GHR: variants seen among roughly 807,000 people sequenced by gnomAD.
The protein encoded by GHR is GH receptor.
A neutral mutation model predicts 67.1 loss-of-function variants in GHR; 35 were observed. The ratio of observed to expected loss-of-function variants is 0.52; its 90% CI spans 0.40 to 0.69. GHR has a LOEUF of 0.69. GHR is among the 30% of genes least tolerant of loss of function. GHR has a pLI of 0.00. For missense variants in GHR, 792 were observed against 764.6 expected (o/e 1.04, Z -0.42); for synonymous variants, 272 against 269.1 (o/e 1.01, Z -0.10).
intron 2 of GHR, among the ~76,000 whole-genome samples, chr5:42,626,698 C>T (rs183105653): frequency 2.6e-4 from 39 of 152,266 alleles, no homozygotes; most frequent in Admixed American, 1.4e-3. Context: ...CATTAGCATA[C>T]GAAAGACACT....
At chr5:42,519,621 G>T (rs1440521589) in intron 1 of GHR, among the ~76,000 whole-genome samples, 3 of 152,102 alleles carry the variant, frequency 2.0e-5, no homozygotes, top group Non-Finnish European at 4.4e-5. Context: ...TCAACCACTT[G>T]CTCTGTCTGT....
chr5:42,659,952 T>C (rs966239278), intron 3 of GHR, among the ~76,000 whole-genome samples: 5 of 151,988 alleles, frequency 3.3e-5, no homozygotes, highest in Non-Finnish European at 7.4e-5. Context: ...CACCAGGAGA[T>C]TATATCCCGC....
chr5:42,462,379 T>G (rs533083887), intron 1 of GHR, among the ~76,000 whole-genome samples: 1 of 152,290 alleles, frequency 6.6e-6, no homozygotes, highest in South Asian at 2.1e-4. Flanking sequence ...CTAAGCAAAA[T>G]TTAATAGTAC....
Position 42,467,158 on chromosome 5 carries a change from C to T in GHR, c.-12+43203C>T, listed in dbSNP as rs41432450. 0.013 allele frequency: 20,051 copies of T among 1,599,332 alleles called. 1,069 individuals carry two copies. The Admixed American group carries it at 0.13, about 11-fold the overall frequency. Reference sequence around the variant, plus strand: ...AAAAGGAAGATCTCCACTGTGAATTCTCTGGTGGACAAAAAGGCAAGAGAG... The same window carrying T: ...AAAAGGAAGATCTCCACTGTGAATTTTCTGGTGGACAAAAAGGCAAGAGAG... On this transcript the variant is annotated intron_variant, in intron 1 of 9. Coordinates refer to ENST00000230882, the MANE Select transcript of GHR (RefSeq NM_000163.5).
intron 1 of GHR, among the ~76,000 whole-genome samples, chr5:42,538,323 G>A (rs1748352233): frequency 6.6e-6 from 1 of 152,150 alleles, no homozygotes. Flanking sequence ...TCCAGGATTT[G>A]TTTCAAGATT....
intron 1 of GHR, among the ~76,000 whole-genome samples, chr5:42,463,721 C>T (rs1417084029): frequency 1.3e-5 from 2 of 151,968 alleles, no homozygotes; most frequent in African/African-American, 4.8e-5. Context: ...GGGCCGGGCG[C>T]GGTGGCTCAC....
intron 3 of GHR, among the ~76,000 whole-genome samples, chr5:42,667,893 T>TC: frequency 6.6e-6 from 1 of 152,178 alleles, no homozygotes; most frequent in Non-Finnish European, 1.5e-5. Context: ...CCTTTGTCTC[T>TC]CCCTCAGGCT....
intron 1 of GHR, among the ~76,000 whole-genome samples, chr5:42,503,661 T>C (rs1746633356): frequency 6.6e-6 from 1 of 152,128 alleles, no homozygotes; most frequent in African/African-American, 2.4e-5. Context: ...TCTAAACAAA[T>C]ATATATCATG....
At chr5:42,513,516 G>A (rs1747110971) in intron 1 of GHR, among the ~76,000 whole-genome samples, 1 of 152,134 alleles carries the variant, frequency 6.6e-6, no homozygotes, top group South Asian at 2.1e-4. Flanking sequence ...GGCCAGGCGC[G>A]GTACTGTACG....
intron 1 of GHR, among the ~76,000 whole-genome samples, chr5:42,496,553 G>A (rs1372023516): frequency 6.6e-6 from 1 of 151,994 alleles, no homozygotes; most frequent in East Asian, 1.9e-4. Context: ...TGAAAGTTGG[G>A]GCATCATTGT....
intron 1 of GHR, among the ~76,000 whole-genome samples, chr5:42,551,562 G>A (rs1749035619): frequency 6.6e-6 from 1 of 152,172 alleles, no homozygotes. Flanking sequence ...CTCCCTCATG[G>A]TGACAAGTTA....
intron 1 of GHR, among the ~76,000 whole-genome samples, chr5:42,531,294 G>A (rs1265836441): frequency 6.6e-6 from 1 of 151,638 alleles, no homozygotes; most frequent in Non-Finnish European, 1.5e-5. Flanking sequence ...AGTAAAATAA[G>A]TTTTTAAAGT....
At chr5:42,496,110 A>G (rs1249335647) in intron 1 of GHR, among the ~76,000 whole-genome samples, 1 of 152,166 alleles carries the variant, frequency 6.6e-6, no homozygotes, top group Non-Finnish European at 1.5e-5. Flanking sequence ...TGCTCCTGTG[A>G]TTCATCTCTT....
chr5:42,499,325 C>T (rs1746442372), intron 1 of GHR, among the ~76,000 whole-genome samples: 1 of 152,184 alleles, frequency 6.6e-6, no homozygotes, highest in South Asian at 2.1e-4. Context: ...AAGTTGACTA[C>T]TGTTCAGTCA....
chr5:42,501,720 C>G (rs1415887192), intron 1 of GHR, among the ~76,000 whole-genome samples: 1 of 152,122 alleles, frequency 6.6e-6, no homozygotes, highest in Non-Finnish European at 1.5e-5. Context: ...GAAAATCTTC[C>G]TGGTGAGAAA....
chr5:42,604,877 G>A (rs1418239893), intron 2 of GHR, among the ~76,000 whole-genome samples: 1 of 151,844 alleles, frequency 6.6e-6, no homozygotes, highest in East Asian at 1.9e-4. Flanking sequence ...AATTCTCTGT[G>A]AAATCAGTTA....
chr5:42,465,651 A>G (rs1744694700), intron 1 of GHR: 2 of 898,576 alleles, frequency 2.2e-6, no homozygotes, highest in Non-Finnish European at 3.8e-6. Flanking sequence ...CAGTTGTGAG[A>G]TCTGCTACCT....
At chr5:42,471,962 T>A (rs1280097822) in intron 1 of GHR, among the ~76,000 whole-genome samples, 6 of 152,188 alleles carry the variant, frequency 3.9e-5, no homozygotes, top group African/African-American at 1.4e-4. Context: ...CGTCATTCAT[T>A]TATCTAATGG....
At chr5:42,604,875 G>A (rs1300382786) in intron 2 of GHR, among the ~76,000 whole-genome samples, 1 of 151,832 alleles carries the variant, frequency 6.6e-6, no homozygotes, top group Non-Finnish European at 1.5e-5. Flanking sequence ...TTAATTCTCT[G>A]TGAAATCAGT....
Sources: gnomAD v4.1 joint callset for allele counts (sites outside exome capture counted in the v4.1 genomes callset) on GRCh38, gnomAD v4.1.1 for gene constraint, MANE v1.5 for transcripts, NCBI Gene and HGNC (gene_info 2026-07-23, HGNC 2026-07-21) for gene names.